KIAA1671: variants seen among roughly 807,000 people sequenced by gnomAD.
The protein encoded by KIAA1671 is uncharacterized protein KIAA1671.
Under a neutral mutation model 131.2 loss-of-function variants are expected in KIAA1671, and 52 were observed. That is an observed-to-expected ratio of 0.40 (90% confidence interval 0.32 to 0.50). The LOEUF (loss-of-function observed/expected upper bound fraction) is 0.50. Ranked by LOEUF, KIAA1671 falls within the 20% of genes least tolerant of loss-of-function variation. The pLI, the probability that KIAA1671 is intolerant of heterozygous loss-of-function variation, is 0.73. For missense variants in KIAA1671, 2,360 were observed against 2,364.2 expected, an observed-to-expected ratio of 1.00 and a Z score of 0.04; for synonymous variants, 1,003 against 961.6, an observed-to-expected ratio of 1.04 and a Z score of -0.80.
intron 1 of KIAA1671, among the ~76,000 whole-genome samples, chr22:24,996,940 T>C (rs779780530): frequency 1.3e-5 from 2 of 152,198 alleles, no homozygotes; most frequent in Non-Finnish European, 2.9e-5. Flanking sequence ...AGATTCATCC[T>C]TAATTGGCTG....
intron 6 of KIAA1671, among the ~76,000 whole-genome samples, chr22:25,105,225 TTGGCCATGC>T (rs1397069103): frequency 6.6e-6 from 1 of 152,196 alleles, no homozygotes; most frequent in Admixed American, 6.5e-5. Flanking sequence ...TTTCGCCATG[TTGGCCATGC>T]TGGTCTCAAA....
At chr22:25,001,583 G>C (rs1924483843) in intron 1 of KIAA1671, among the ~76,000 whole-genome samples, 1 of 152,184 alleles carries the variant, frequency 6.6e-6, no homozygotes, top group Admixed American at 6.6e-5. Flanking sequence ...TGGCCCCAGG[G>C]GTAGATGCAG....
At chr22:25,085,787 G>GAGGGAGGGAGGGAGGGAGGAAGGGAGGA (rs1929681972) in intron 6 of KIAA1671, among the ~76,000 whole-genome samples, 1 of 128,326 alleles carries the variant, frequency 7.8e-6, no homozygotes, top group Non-Finnish European at 1.8e-5. Flanking sequence ...GGGAGGAAGG[G>GAGGGAGGGAGGGAGGGAGGAAGGGAGGA]AGGGAGGGAG....
At chr22:25,059,648 T>C (rs1017227282) in intron 6 of KIAA1671, 1 of 152,372 alleles carries the variant, frequency 6.6e-6, no homozygotes, top group East Asian at 1.9e-4. Flanking sequence ...AGACTCATCT[T>C]GCCCTGGATC....
intron 5 of KIAA1671, among the ~76,000 whole-genome samples, chr22:25,045,034 G>C (rs62233178): frequency 1.3e-5 from 2 of 151,806 alleles, no homozygotes; most frequent in African/African-American, 4.8e-5. Flanking sequence ...AGTGGCGGGC[G>C]CCTGTAGTCC....
chr22:25,159,116 T>C (rs559625787), intron 6 of KIAA1671, among the ~76,000 whole-genome samples: 5 of 152,208 alleles, frequency 3.3e-5, no homozygotes, highest in African/African-American at 1.2e-4. Context: ...AGCCTGGGCC[T>C]CCCAGCCCAG....
chr22:25,165,938 C>G (rs1933631138), intron 6 of KIAA1671, among the ~76,000 whole-genome samples: 3 of 152,108 alleles, frequency 2.0e-5, no homozygotes, highest in Non-Finnish European at 4.4e-5. Flanking sequence ...GCTGCTGAGC[C>G]CACCAGGCCC....
chr22:24,963,364 CAAAAAAAAAAA>C (rs766667437), intron 1 of KIAA1671, among the ~76,000 whole-genome samples: 2 of 46,622 alleles, frequency 4.3e-5, no homozygotes, highest in South Asian at 7.7e-4. Flanking sequence ...AACTCCATCT[CAAAAAAAAAAA>C]AAAAAAAAAA....
chr22:25,133,740 G>A (rs967008847), intron 6 of KIAA1671, among the ~76,000 whole-genome samples: 2 of 152,062 alleles, frequency 1.3e-5, no homozygotes, highest in Non-Finnish European at 2.9e-5. Flanking sequence ...TAGAGATGGG[G>A]TCTTGCTATG....
intron 1 of KIAA1671, among the ~76,000 whole-genome samples, chr22:25,017,826 G>C (rs1925412421): frequency 6.6e-6 from 1 of 152,146 alleles, no homozygotes; most frequent in African/African-American, 2.4e-5. Flanking sequence ...CTGGACTCAA[G>C]TTTACAAAAG....
chr22:24,987,393 G>T (rs919709466), intron 1 of KIAA1671, among the ~76,000 whole-genome samples: 2 of 151,858 alleles, frequency 1.3e-5, no homozygotes, highest in Non-Finnish European at 2.9e-5. Context: ...GGATGTTCTC[G>T]ATCTCCTGAC....
chr22:24,979,581 C>T (rs1280916909), intron 1 of KIAA1671, among the ~76,000 whole-genome samples: 1 of 145,286 alleles, frequency 6.9e-6, no homozygotes, highest in African/African-American at 2.5e-5. Context: ...GATCTCCTGA[C>T]CTTGTGATCC....
At chr22:25,007,919 G>T (rs943728881) in intron 1 of KIAA1671, among the ~76,000 whole-genome samples, 4 of 152,088 alleles carry the variant, frequency 2.6e-5, no homozygotes, top group African/African-American at 9.7e-5. Flanking sequence ...CTGTCGGCCA[G>T]GCACGGTGGC....
At chr22:25,131,994 A>G (rs1036682763) in intron 6 of KIAA1671, among the ~76,000 whole-genome samples, 1 of 152,216 alleles carries the variant, frequency 6.6e-6, no homozygotes, top group Non-Finnish European at 1.5e-5. Context: ...TGTTGTGATT[A>G]TGGTGGTGGT....
intron 3 of KIAA1671, among the ~76,000 whole-genome samples, chr22:25,030,622 G>C (rs983687228): frequency 6.6e-6 from 1 of 152,202 alleles, no homozygotes; most frequent in East Asian, 1.9e-4. Flanking sequence ...GGTTAATACT[G>C]ATGTTCTAAG....
At chr22:25,034,309 G>T (rs1387098377) in intron 4 of KIAA1671, among the ~76,000 whole-genome samples, 2 of 152,064 alleles carry the variant, frequency 1.3e-5, no homozygotes, top group Non-Finnish European at 2.9e-5. Flanking sequence ...GCCTCCAAAA[G>T]TGCTGGGGTT....
intron 6 of KIAA1671, among the ~76,000 whole-genome samples, chr22:25,115,422 G>A (rs1211729844): frequency 1.3e-5 from 2 of 152,166 alleles, no homozygotes; most frequent in Non-Finnish European, 2.9e-5. Flanking sequence ...GAGTGACCTT[G>A]GGCAGCTTAA....
chr22:25,025,252 A>G (rs1437331773), intron 1 of KIAA1671, among the ~76,000 whole-genome samples: 1 of 151,968 alleles, frequency 6.6e-6, no homozygotes, highest in Non-Finnish European at 1.5e-5. Context: ...AATCAGTCCT[A>G]TTTGCCCCCA....
intron 1 of KIAA1671, among the ~76,000 whole-genome samples, chr22:24,976,765 G>T (rs1922937333): frequency 1.3e-5 from 2 of 152,232 alleles, no homozygotes; most frequent in South Asian, 4.2e-4. Flanking sequence ...GAGACTGCAG[G>T]AGTCTCGTGC....
Sources: gnomAD v4.1 joint callset for allele counts (sites outside exome capture counted in the v4.1 genomes callset) on GRCh38, gnomAD v4.1.1 for gene constraint, MANE v1.5 for transcripts, NCBI Gene and HGNC (gene_info 2026-07-23, HGNC 2026-07-21) for gene names.